LYN: variants seen among roughly 807,000 people sequenced by gnomAD.
The protein encoded by LYN is LYN proto-oncogene, Src family tyrosine kinase, also known as tyrosine-protein kinase Lyn.
Under a neutral mutation model 65.0 loss-of-function variants are expected in LYN, and 12 were observed. The ratio of observed to expected loss-of-function variants is 0.18; its 90% CI spans 0.12 to 0.30. LYN has a LOEUF of 0.30. LYN is among the 10% of genes least tolerant of loss of function. LYN has a pLI of 1.00. For synonymous variants in LYN, 222 were observed against 221.2 expected (o/e 1.00, Z -0.03); for missense variants, 380 against 623.2 (o/e 0.61, Z 4.16).
intron 1 of LYN, among the ~76,000 whole-genome samples, chr8:55,926,579 C>T (rs531138166): frequency 6.6e-6 from 1 of 152,262 alleles, no homozygotes; most frequent in South Asian, 2.1e-4. Context: ...GGGAATTAAG[C>T]CAAGAAGATC....
At chr8:55,902,455 G>C (rs1269535347) in intron 1 of LYN, among the ~76,000 whole-genome samples, 1 of 151,308 alleles carries the variant, frequency 6.6e-6, no homozygotes, top group Non-Finnish European at 1.5e-5. Flanking sequence ...AGCCTCCTGA[G>C]TAGCTGGAAT....
intron 2 of LYN, among the ~76,000 whole-genome samples, chr8:55,942,700 G>T (rs111903948): frequency 0.011 from 1,616 of 150,300 alleles, 25 homozygotes; most frequent in African/African-American, 0.037. Flanking sequence ...CAGGAGAATC[G>T]CTTGAACCTG....
chr8:55,973,836 C>A (rs1807675077), intron 10 of LYN, among the ~76,000 whole-genome samples: 1 of 152,172 alleles, frequency 6.6e-6, no homozygotes, highest in South Asian at 2.1e-4. Flanking sequence ...GTCTCAGCTA[C>A]TTGGGAGGCT....
rs867528372 is a variant in LYN at position 55,952,249 on chromosome 8, T to C, written c.637+134T>C. The C allele has an allele frequency of 5.4e-5, 37 of 690,452 alleles. No individual in the cohort carries two copies. In the African/African-American group the frequency reaches 5.8e-4, roughly 11 times the overall value. 42.8% of individuals were successfully genotyped at this position (690,452 alleles called of 1,614,324 possible). On this transcript the variant is annotated intron_variant, in intron 7 of 12. Transcript: ENST00000519728. ...AGATACAGTTGCAGGTCATATTCTA[T>C]AAGTGGTTCTAAATTAATCTATAGT...
chr8:55,914,579 C>T (rs946387001), intron 1 of LYN, among the ~76,000 whole-genome samples: 5 of 152,086 alleles, frequency 3.3e-5, no homozygotes, highest in African/African-American at 1.2e-4. Flanking sequence ...CAGGAACACC[C>T]CAATCTCTGG....
chr8:55,901,620 C>T (rs114645370), intron 1 of LYN, among the ~76,000 whole-genome samples: 1,644 of 152,100 alleles, frequency 0.011, 25 homozygotes, highest in African/African-American at 0.038. Context: ...CAGGTAGGGC[C>T]GGGGGAGGTC....
intron 1 of LYN, among the ~76,000 whole-genome samples, chr8:55,927,326 G>A (rs769192442): frequency 2.0e-5 from 3 of 152,084 alleles, no homozygotes; most frequent in Non-Finnish European, 4.4e-5. Context: ...AGTGTCATAC[G>A]GTTGGAATCA....
intron 4 of LYN, among the ~76,000 whole-genome samples, chr8:55,949,337 T>C (rs575170914): frequency 5.9e-5 from 9 of 152,226 alleles, no homozygotes; most frequent in Admixed American, 5.2e-4. Context: ...CAACTCTTCT[T>C]TGTGCACCCC....
At chr8:55,955,581 T>C (rs1807083396) in intron 8 of LYN, among the ~76,000 whole-genome samples, 1 of 152,202 alleles carries the variant, frequency 6.6e-6, no homozygotes, top group South Asian at 2.1e-4. Context: ...CCACTGGCAT[T>C]TAGTACATTC....
chr8:55,949,153 T>C (rs1256278670), intron 4 of LYN, among the ~76,000 whole-genome samples: 1 of 152,230 alleles, frequency 6.6e-6, no homozygotes, highest in Non-Finnish European at 1.5e-5. Context: ...TTTCTTCTTT[T>C]CATAGTGTCC....
rs373570614 is a variant in LYN, at chr8:55,908,989, GTA to G, written c.-6+28907_-6+28908del. On this transcript the variant is annotated intron_variant, in intron 1 of 12. Transcript: ENST00000519728. The stretch of plus-strand genomic sequence containing the variant: ...GGCTGAATGGTATTCCATTGTGTAT[GTA>G]TATATATATATATATATATACACAC... 7.8e-4 allele frequency among the ~76,000 whole-genome samples: 16 copies of G among 20,394 alleles called. 2 individuals carry two copies. Among genetic ancestry groups the G allele is most frequent in the Admixed American group, 2.2e-3 (5 of 2,302 alleles). The allele number at this position is 20,394 out of a possible 152,430, so 13.4% of individuals were successfully genotyped here.
chr8:55,946,068 A>G (rs186634091), intron 2 of LYN, among the ~76,000 whole-genome samples: 69 of 152,358 alleles, frequency 4.5e-4, no homozygotes, highest in Non-Finnish European at 7.6e-4. Flanking sequence ...CGATCTGCGG[A>G]CCAAAACTCC....
chr8:55,942,515 G>C (rs1383301688), intron 2 of LYN, among the ~76,000 whole-genome samples: 2 of 150,608 alleles, frequency 1.3e-5, no homozygotes, highest in Non-Finnish European at 3.0e-5. Context: ...GGCTGGGCGC[G>C]GTGGCTCACG....
At chr8:55,929,743 T>A (rs546950727) in intron 1 of LYN, among the ~76,000 whole-genome samples, 2 of 152,216 alleles carry the variant, frequency 1.3e-5, no homozygotes, top group African/African-American at 4.8e-5. Context: ...TACACAGAAC[T>A]GTCCTCTAGA....
intron 1 of LYN, among the ~76,000 whole-genome samples, chr8:55,898,551 A>G (rs896761687): frequency 1.3e-5 from 2 of 152,134 alleles, no homozygotes; most frequent in Non-Finnish European, 2.9e-5. Flanking sequence ...GGCCTCCCAT[A>G]GTGTTGAGAT....
At chr8:55,893,733 G>C (rs571720260) in intron 1 of LYN, 1 of 152,148 alleles carries the variant, frequency 6.6e-6, no homozygotes, top group Non-Finnish European at 1.5e-5. Context: ...TATACTCAGA[G>C]AGTTAAAATG....
chr8:55,956,764 C>T (rs16922484), intron 8 of LYN, among the ~76,000 whole-genome samples: 9,649 of 152,214 alleles, frequency 0.063, 565 homozygotes, highest in African/African-American at 0.15. Flanking sequence ...GTTCTCTTCC[C>T]GGCTTCTCCG....
intron 1 of LYN, among the ~76,000 whole-genome samples, chr8:55,919,208 TA>T (rs1805876025): frequency 6.6e-6 from 1 of 151,734 alleles, no homozygotes; most frequent in African/African-American, 2.4e-5. Context: ...TTAAAGGAAA[TA>T]GGAAAAGTGA....
chr8:55,905,228 T>C (rs1157620758), intron 1 of LYN, among the ~76,000 whole-genome samples: 1 of 152,094 alleles, frequency 6.6e-6, no homozygotes, highest in Non-Finnish European at 1.5e-5. Flanking sequence ...CTGGCCAACA[T>C]GGTGAAACCA....
Sources: allele counts gnomAD v4.1 joint callset (sites outside exome capture counted in the v4.1 genomes callset), GRCh38; gene constraint gnomAD v4.1.1; transcripts MANE v1.5; gene names NCBI Gene and HGNC (gene_info 2026-07-23, HGNC 2026-07-21).